Variants in WWOX observed in about 807,000 individuals in gnomAD.
The protein encoded by WWOX is WW domain-containing oxidoreductase.
In WWOX, 69 loss-of-function variants were observed where a neutral mutation model predicts 46.2. That is an observed-to-expected ratio of 1.49 (90% CI 1.23 to 1.82). WWOX has a LOEUF of 1.82. Ranked by LOEUF, WWOX falls within the 40% of genes most tolerant of loss-of-function variation. WWOX has a pLI of 0.00. For missense variants in WWOX, 919 were observed against 542.6 expected (o/e 1.69, Z -6.89); for synonymous variants, 359 against 202.6 (o/e 1.77, Z -6.56).
intron 8 of WWOX, chr16:78,551,119 A>T (rs1051618943): frequency 6.6e-6 from 1 of 152,232 alleles, no homozygotes; most frequent in Non-Finnish European, 1.5e-5. Flanking sequence ...AATATATTCC[A>T]TGAAACAGAT....
intron 8 of WWOX, among the ~76,000 whole-genome samples, chr16:78,786,049 G>T (rs902482100): frequency 6.6e-6 from 1 of 152,154 alleles, no homozygotes; most frequent in South Asian, 2.1e-4. Flanking sequence ...TGGGAATACA[G>T]GCACCCACCA....
intron 8 of WWOX, among the ~76,000 whole-genome samples, chr16:78,595,114 CAGA>C (rs2045456786): frequency 1.3e-5 from 2 of 152,144 alleles, no homozygotes; most frequent in African/African-American, 4.8e-5. Flanking sequence ...GAGGCAGTGG[CAGA>C]AGAAGACATT....
chr16:78,391,997 T>C (rs1368288159), intron 6 of WWOX, among the ~76,000 whole-genome samples: 1 of 84,462 alleles, frequency 1.2e-5, no homozygotes, highest in African/African-American at 8.8e-5. Context: ...TTTGTCTCCT[T>C]TTTTTTTTTT....
rs141286801 is a variant in WWOX, at chr16:78,554,785, C to T, written c.1056+122033C>T. On this transcript the variant is annotated intron_variant, in intron 8 of 8. Coordinates refer to ENST00000566780, the MANE Select transcript of WWOX (RefSeq NM_016373.4). ...CTATTTCTGAGTCACGTGGGCTGCA[C>T]CTATCTGTCAGAAGCCCACTGCCCA... Among the ~76,000 whole-genome samples, 872 of 152,260 alleles carry T rather than the reference C, an allele frequency of 5.7e-3. 15 individuals are homozygous for T. The highest frequency in any genetic ancestry group is 0.02 in the African/African-American group (840 of 41,552).
chr16:78,810,357 A>G (rs1233497727), intron 8 of WWOX, among the ~76,000 whole-genome samples: 2 of 152,208 alleles, frequency 1.3e-5, no homozygotes, highest in Admixed American at 6.5e-5. Flanking sequence ...CAGCCGGTAT[A>G]TTTATGTGGA....
intron 8 of WWOX, among the ~76,000 whole-genome samples, chr16:78,568,116 G>T (rs988213810): frequency 6.6e-6 from 1 of 152,182 alleles, no homozygotes; most frequent in Non-Finnish European, 1.5e-5. Flanking sequence ...TGCGGAATTT[G>T]AAAGTGTGCA....
intron 8 of WWOX, among the ~76,000 whole-genome samples, chr16:78,571,247 A>G (rs1166550854): frequency 1.3e-5 from 2 of 152,326 alleles, no homozygotes; most frequent in African/African-American, 4.8e-5. Context: ...TTGCTTAAAT[A>G]GATTTTTATG....
intron 8 of WWOX, among the ~76,000 whole-genome samples, chr16:78,579,616 C>T (rs1235530881): frequency 1.3e-5 from 2 of 152,110 alleles, no homozygotes; most frequent in Non-Finnish European, 2.9e-5. Context: ...TCCTGTACTT[C>T]AAGGTTTTGG....
chr16:79,205,656 G>C (rs1449852063), intron 8 of WWOX: 3 of 152,158 alleles, frequency 2.0e-5, no homozygotes, highest in Non-Finnish European at 4.4e-5. Flanking sequence ...CTGTGAGTTA[G>C]CAAAACTCCC....
intron 8 of WWOX, among the ~76,000 whole-genome samples, chr16:78,611,245 C>T (rs551530867): frequency 7.2e-5 from 11 of 152,302 alleles, no homozygotes; most frequent in Non-Finnish European, 1.5e-4. Flanking sequence ...TGGTGAAAGA[C>T]ATCTCCTTCT....
intron 5 of WWOX, among the ~76,000 whole-genome samples, chr16:78,351,358 A>T (rs2081180266): frequency 6.6e-6 from 1 of 152,220 alleles, no homozygotes; most frequent in Non-Finnish European, 1.5e-5. Context: ...CTGATTGTCC[A>T]GCAGTTGTGT....
intron 8 of WWOX, among the ~76,000 whole-genome samples, chr16:78,967,179 G>C (rs2046377269): frequency 2.0e-5 from 3 of 151,694 alleles, no homozygotes; most frequent in Admixed American, 2.0e-4. Flanking sequence ...CATCAGCCCT[G>C]AGAGATACCT....
intron 5 of WWOX, among the ~76,000 whole-genome samples, chr16:78,374,747 T>A (rs1646779544): frequency 6.6e-6 from 1 of 152,020 alleles, no homozygotes; most frequent in African/African-American, 2.4e-5. Flanking sequence ...AGATGGGGTT[T>A]CACCGTGTTA....
At chr16:78,605,530 C>G (rs922543276) in intron 8 of WWOX, among the ~76,000 whole-genome samples, 1 of 151,942 alleles carries the variant, frequency 6.6e-6, no homozygotes, top group East Asian at 1.9e-4. Flanking sequence ...TACCATTGTG[C>G]TAACTGAAGA....
At chr16:78,550,524 C>CA (rs2044148583) in intron 8 of WWOX, among the ~76,000 whole-genome samples, 1 of 152,136 alleles carries the variant, frequency 6.6e-6, no homozygotes, top group African/African-American at 2.4e-5. Context: ...GACATAATTT[C>CA]AAAAATCATT....
intron 8 of WWOX, among the ~76,000 whole-genome samples, chr16:79,108,866 A>G (rs1050412002): frequency 1.3e-5 from 2 of 151,914 alleles, no homozygotes; most frequent in Non-Finnish European, 2.9e-5. Flanking sequence ...ATGCCGCTGC[A>G]CTCCAGCATA....
In WWOX at chr16:79,211,654, TGGAGGGTCTG is replaced by T. The variant is rs2051756247; in HGVS notation, c.1110_1119del (p.Leu371CysfsTer31). ...GTGTACTGTGCTGCTGTCCCAGAAC[TGGAGGGTCTG>T]GGAGGGATGTACTTCAACAACTGCT... On this transcript the variant is annotated frameshift_variant, in exon 9 of 9. Coordinates refer to ENST00000566780, the MANE Select transcript of WWOX (RefSeq NM_016373.4). LOFTEE classifies it high-confidence loss of function. The T allele has an allele frequency of 3.1e-6, 5 of 1,614,198 alleles. No homozygotes were observed. The highest frequency in any genetic ancestry group is 3.4e-6 in the Non-Finnish European group (4 of 1,180,032).
intron 5 of WWOX, among the ~76,000 whole-genome samples, chr16:78,261,080 C>T (rs558467384): frequency 1.3e-4 from 20 of 150,328 alleles, no homozygotes; most frequent in Admixed American, 5.3e-4. Flanking sequence ...TATTGATATT[C>T]GAAGTTTTTT....
At chr16:78,465,069 T>G (rs937049115) in intron 8 of WWOX, among the ~76,000 whole-genome samples, 2 of 152,078 alleles carry the variant, frequency 1.3e-5, no homozygotes, top group Non-Finnish European at 2.9e-5. Flanking sequence ...TCTCATGAGA[T>G]TTATTCACTA....
Sources: allele counts gnomAD v4.1 joint callset (sites outside exome capture counted in the v4.1 genomes callset), GRCh38; gene constraint gnomAD v4.1.1; transcripts MANE v1.5; gene names NCBI Gene and HGNC (gene_info 2026-07-23, HGNC 2026-07-21).